The following PTPRD variants were observed in gnomAD, a reference collection of about 807,000 sequenced individuals.
The protein encoded by PTPRD is receptor-type tyrosine-protein phosphatase delta.
PTPRD carries 34 observed loss-of-function variants against 214.5 expected under a neutral mutation model. The ratio of observed to expected loss-of-function variants is 0.16; its 90% CI spans 0.12 to 0.21. The LOEUF (loss-of-function observed/expected upper bound fraction) is 0.21, where lower values mean the gene tolerates loss of function less well. PTPRD is among the 10% of genes least tolerant of loss of function. The pLI is 1.00. For missense variants in PTPRD, 2,545 were observed against 2,398.7 expected, an observed-to-expected ratio of 1.06 and a Z score of -1.27; for synonymous variants, 1,128 against 845.7, an observed-to-expected ratio of 1.33 and a Z score of -5.79.
At chr9:10,057,462 G>A (rs973696434) in intron 3 of PTPRD, among the ~76,000 whole-genome samples, 1 of 151,636 alleles carries the variant, frequency 6.6e-6, no homozygotes, top group Non-Finnish European at 1.5e-5. Context: ...CCAAACATTC[G>A]CACTCTTTCT....
At chr9:10,024,620 T>A (rs1015079645) in intron 4 of PTPRD, among the ~76,000 whole-genome samples, 14 of 152,020 alleles carry the variant, frequency 9.2e-5, no homozygotes, top group Non-Finnish European at 1.6e-4. Flanking sequence ...ATTTTATGAT[T>A]CTTTTTTTTA....
chr9:9,953,034 G>A (rs1305916686), intron 4 of PTPRD, among the ~76,000 whole-genome samples: 1 of 152,170 alleles, frequency 6.6e-6, no homozygotes, highest in Non-Finnish European at 1.5e-5. Context: ...AGGATGAACT[G>A]CAGAAATTAG....
intron 9 of PTPRD, among the ~76,000 whole-genome samples, chr9:9,342,014 G>A (rs1369512647): frequency 6.6e-6 from 1 of 151,862 alleles, no homozygotes; most frequent in Admixed American, 6.6e-5. Context: ...TTGCCATATT[G>A]GTCAGGATGA....
intron 11 of PTPRD, among the ~76,000 whole-genome samples, chr9:8,824,490 G>C (rs989247826): frequency 4.6e-5 from 7 of 152,170 alleles, no homozygotes; most frequent in African/African-American, 1.7e-4. Flanking sequence ...TTGACAAAAG[G>C]TGGTATCTGT....
chr9:10,552,311 C>A (rs2061522702), intron 2 of PTPRD, among the ~76,000 whole-genome samples: 1 of 152,086 alleles, frequency 6.6e-6, no homozygotes, highest in South Asian at 2.1e-4. Flanking sequence ...TTTCTAAATT[C>A]TCTAAATATG....
chr9:9,934,065 A>G (rs1215039428), intron 5 of PTPRD, among the ~76,000 whole-genome samples: 1 of 149,942 alleles, frequency 6.7e-6, no homozygotes, highest in Non-Finnish European at 1.5e-5. Flanking sequence ...AATCTCTGGG[A>G]CACATTCAAA....
intron 14 of PTPRD, among the ~76,000 whole-genome samples, chr9:8,566,947 T>C (rs2089480507): frequency 6.6e-6 from 1 of 152,128 alleles, no homozygotes; most frequent in African/African-American, 2.4e-5. Context: ...TTTGGGGTTT[T>C]CTTATCACCT....
chr9:8,714,133 G>A (rs2098403486), intron 12 of PTPRD, among the ~76,000 whole-genome samples: 1 of 152,294 alleles, frequency 6.6e-6, no homozygotes, highest in African/African-American at 2.4e-5. Flanking sequence ...AACCTAAAGA[G>A]ATGATCTATA....
chr9:8,465,276 T>C (rs1462270761), intron 32 of PTPRD, among the ~76,000 whole-genome samples, 190 bp downstream of exon 32: 1 of 151,910 alleles, frequency 6.6e-6, no homozygotes, highest in Admixed American at 6.6e-5. Flanking sequence ...AGAGACATAG[T>C]CTCATTTGTA....
At chr9:9,770,974 A>T (rs1006634578) in intron 5 of PTPRD, among the ~76,000 whole-genome samples, 7 of 152,138 alleles carry the variant, frequency 4.6e-5, no homozygotes, top group African/African-American at 1.7e-4. Context: ...TAGAACTACA[A>T]ATCTTTCCTG....
chr9:9,757,437 A>C (rs2098598062), intron 6 of PTPRD, among the ~76,000 whole-genome samples: 1 of 152,150 alleles, frequency 6.6e-6, no homozygotes, highest in Non-Finnish European at 1.5e-5. Flanking sequence ...GAATTTGAAA[A>C]AACAAATGGA....
intron 5 of PTPRD, among the ~76,000 whole-genome samples, chr9:9,841,787 A>T (rs1409257985): frequency 6.6e-6 from 1 of 152,082 alleles, no homozygotes; most frequent in African/African-American, 2.4e-5. Context: ...TGCATAACCC[A>T]TACACACATG....
chr9:8,559,893 A>G (rs939137872), intron 14 of PTPRD, among the ~76,000 whole-genome samples: 3 of 152,216 alleles, frequency 2.0e-5, no homozygotes, highest in Non-Finnish European at 2.9e-5. Context: ...CTCTACCTAG[A>G]GCAATTAACA....
At chr9:10,500,247 A>T (rs2043248359) in intron 2 of PTPRD, among the ~76,000 whole-genome samples, 1 of 151,862 alleles carries the variant, frequency 6.6e-6, no homozygotes, top group African/African-American at 2.4e-5. Context: ...GCATTCAAAG[A>T]TGGCCTATCC....
chr9:10,329,866 T>C (rs2096717454), intron 3 of PTPRD, among the ~76,000 whole-genome samples: 1 of 151,832 alleles, frequency 6.6e-6, no homozygotes, highest in African/African-American at 2.4e-5. Context: ...TTGATGCGCA[T>C]GGCATAGTCT....
At chr9:10,009,964 T>A (rs909167250) in intron 4 of PTPRD, among the ~76,000 whole-genome samples, 1 of 151,838 alleles carries the variant, frequency 6.6e-6, no homozygotes, top group Non-Finnish European at 1.5e-5. Context: ...GCATATCCAA[T>A]TCTCCCTTCC....
At chr9:9,936,894 C>G (rs1295084531) in intron 5 of PTPRD, among the ~76,000 whole-genome samples, 1 of 146,028 alleles carries the variant, frequency 6.8e-6, no homozygotes, top group Non-Finnish European at 1.5e-5. Flanking sequence ...ACTATGCAGC[C>G]ATAAAAAATG....
At chr9:10,396,234 C>A (rs575117139) in intron 2 of PTPRD, among the ~76,000 whole-genome samples, 1 of 151,916 alleles carries the variant, frequency 6.6e-6, no homozygotes, top group Admixed American at 6.6e-5. Context: ...GAAATTAGGA[C>A]CCTCTAGACT....
At chr9:8,373,626 T>C (rs1339208076) in intron 39 of PTPRD, among the ~76,000 whole-genome samples, 4 of 30,990 alleles carry the variant, frequency 1.3e-4, no homozygotes, top group Non-Finnish European at 3.7e-4. Flanking sequence ...TGTGTGTGTG[T>C]GTGTGTGTGT....
Sources: allele counts gnomAD v4.1 joint callset (sites outside exome capture counted in the v4.1 genomes callset), GRCh38; gene constraint gnomAD v4.1.1; transcripts MANE v1.5; gene names NCBI Gene and HGNC (gene_info 2026-07-23, HGNC 2026-07-21).